Variants in MAP2K4 observed in about 807,000 individuals in gnomAD.
MAP2K4 encodes the protein mitogen-activated protein kinase kinase 4, also known as dual specificity mitogen-activated protein kinase kinase 4.
In MAP2K4, 4 loss-of-function variants were observed where a neutral mutation model predicts 48.5. That is an observed-to-expected ratio of 0.08 (90% CI 0.04 to 0.19). The LOEUF (loss-of-function observed/expected upper bound fraction) is 0.19, where lower values mean the gene tolerates loss of function less well. MAP2K4 is among the 10% of genes least tolerant of loss of function. The probability of loss-of-function intolerance (pLI) is 1.00; values close to 1 mark genes in which losing one functional copy is unlikely to be tolerated. For missense variants in MAP2K4, 258 were observed against 493.3 expected (o/e 0.52, Z 4.52); for synonymous variants, 166 against 173.1 (o/e 0.96, Z 0.32).
chr17:12,125,216 C>G, intron 7 of MAP2K4, 78 bp from the exon 8 acceptor site: 1 of 1,022,160 alleles, frequency 9.8e-7, no homozygotes, highest in Non-Finnish European at 1.6e-6. Flanking sequence ...TTTTGGCTGT[C>G]TACCCAGCTG....
intron 3 of MAP2K4, among the ~76,000 whole-genome samples, chr17:12,084,556 C>A (rs1034213551): frequency 3.3e-5 from 5 of 152,154 alleles, no homozygotes; most frequent in Non-Finnish European, 7.3e-5. Context: ...TGATCAGTAT[C>A]CTTTACAAAT....
intron 3 of MAP2K4, among the ~76,000 whole-genome samples, chr17:12,083,975 T>G (rs1219978447): frequency 6.6e-6 from 1 of 152,218 alleles, no homozygotes; most frequent in African/African-American, 2.4e-5. Flanking sequence ...TAATACACAC[T>G]TTGAGAATAA....
At chr17:12,105,786 A>G (rs529932503) in intron 4 of MAP2K4, among the ~76,000 whole-genome samples, 2 of 152,094 alleles carry the variant, frequency 1.3e-5, no homozygotes, top group South Asian at 4.2e-4. Context: ...AGACCTCTCT[A>G]TCTCATTGCT....
intron 1 of MAP2K4, among the ~76,000 whole-genome samples, chr17:12,052,954 T>G (rs28918110): frequency 6.6e-6 from 1 of 152,194 alleles, no homozygotes; most frequent in African/African-American, 2.4e-5. Flanking sequence ...GTCTCCAAAA[T>G]TTTGACTCAT....
intron 9 of MAP2K4, among the ~76,000 whole-genome samples, chr17:12,133,142 C>T (rs771318073): frequency 5.9e-5 from 9 of 152,110 alleles, no homozygotes; most frequent in African/African-American, 1.7e-4. Context: ...AGTGTAGTGG[C>T]GCGATCTCAG....
At chr17:12,127,291 A>T (rs1274102923) in intron 8 of MAP2K4, among the ~76,000 whole-genome samples, 1 of 152,242 alleles carries the variant, frequency 6.6e-6, no homozygotes, top group East Asian at 1.9e-4. Context: ...AGGAGAGAAC[A>T]TGGATCTCGG....
chr17:12,081,210 G>A lies in MAP2K4; in HGVS notation c.219-146G>A, dbSNP rs1597447108. 4 of 563,442 alleles carry A rather than the reference G, an allele frequency of 7.1e-6. No homozygotes were observed. The East Asian group carries it at 1.2e-4, about 17-fold the overall frequency. 34.9% of individuals were successfully genotyped at this position (563,442 alleles called of 1,614,324 possible). A position where few individuals can be genotyped will look rare whatever the true frequency, so the allele number is the denominator to read the frequency against. ...AATCCAGTGTGTAAAAAACCAGGATGACACAAATGAAAAACTTCAAAAACC... is the reference window on the plus strand; with the variant it reads ...AATCCAGTGTGTAAAAAACCAGGATAACACAAATGAAAAACTTCAAAAACC... On this transcript the variant is annotated intron_variant, in intron 2 of 10. Transcript: ENST00000353533. This position sits in a 1 kb window ranked among gnomAD's most constrained non-coding sequence, Gnocchi z 4.2.
rs775109028 is a variant in MAP2K4, at chr17:12,069,651, T to G, written c.219-11705T>G. 5.3e-4 allele frequency: 526 copies of G among 983,936 alleles called. 2 individuals are homozygous for G. The highest frequency in any genetic ancestry group is 7.5e-4 in the African/African-American group (43 of 57,016). The allele number at this position is 983,936 out of a possible 1,614,324, so 61.0% of individuals were successfully genotyped here. ...TCATTTTTCAGTTTTTCCTTTTGCC[T>G]CATCTTAGATCACAGCAAAGATACT... is the stretch of plus-strand genomic sequence containing the variant. On this transcript the variant is annotated intron_variant, in intron 2 of 10. Coordinates refer to ENST00000353533, the MANE Select transcript of MAP2K4 (RefSeq NM_003010.4).
intron 2 of MAP2K4, among the ~76,000 whole-genome samples, chr17:12,059,383 A>G (rs1479534159): frequency 6.6e-6 from 1 of 152,212 alleles, no homozygotes; most frequent in Non-Finnish European, 1.5e-5. Context: ...ACAGAAGTAG[A>G]TATTCTGTTA....
chr17:12,041,207 G>A (rs1042959630), intron 1 of MAP2K4, among the ~76,000 whole-genome samples: 1 of 152,202 alleles, frequency 6.6e-6, no homozygotes, highest in East Asian at 1.9e-4. Flanking sequence ...TGTCATTCAC[G>A]TGTTAATATT....
At chr17:12,041,847 C>T (rs1393388428) in intron 1 of MAP2K4, among the ~76,000 whole-genome samples, 2 of 152,132 alleles carry the variant, frequency 1.3e-5, no homozygotes, top group Non-Finnish European at 2.9e-5. Context: ...AGTTGTCGGA[C>T]TCATTAGAAT....
chr17:12,038,699 A>G (rs1371723006), intron 1 of MAP2K4, among the ~76,000 whole-genome samples: 1 of 152,250 alleles, frequency 6.6e-6, no homozygotes. Context: ...ACTTTATATT[A>G]ACTCCTTTAA....
intron 7 of MAP2K4, among the ~76,000 whole-genome samples, chr17:12,119,377 CA>C (rs1972603749): frequency 6.6e-6 from 1 of 152,116 alleles, no homozygotes; most frequent in African/African-American, 2.4e-5. Flanking sequence ...ATGCATCCAA[CA>C]AGCATATGAA....
chr17:12,114,934 C>T (rs1308113941), intron 7 of MAP2K4, among the ~76,000 whole-genome samples: 2 of 152,164 alleles, frequency 1.3e-5, no homozygotes, highest in Non-Finnish European at 2.9e-5. Flanking sequence ...AAACTCTTGG[C>T]CTCTAATCTT....
intron 9 of MAP2K4, among the ~76,000 whole-genome samples, chr17:12,136,531 C>A (rs1479640188): frequency 2.0e-5 from 3 of 152,138 alleles, no homozygotes; most frequent in Non-Finnish European, 4.4e-5. Context: ...TAGCTGCTGG[C>A]ATTTGAAATG....
intron 2 of MAP2K4, among the ~76,000 whole-genome samples, chr17:12,073,006 G>T (rs918206081): frequency 6.6e-6 from 1 of 152,132 alleles, no homozygotes; most frequent in Non-Finnish European, 1.5e-5. Context: ...GCAATCTGAG[G>T]TTTGTAGTAC....
intron 1 of MAP2K4, among the ~76,000 whole-genome samples, chr17:12,049,276 A>AAT (rs1970060338): frequency 6.6e-6 from 1 of 152,216 alleles, no homozygotes; most frequent in Non-Finnish European, 1.5e-5. Flanking sequence ...TTGTAAGTCA[A>AAT]ATACCAATAT....
rs370007440 is a variant in MAP2K4, at chr17:12,129,303, A to C, written c.1040+16A>C. 1 of 1,614,202 alleles carries C rather than the reference A, an allele frequency of 6.2e-7. No homozygotes were observed. Among genetic ancestry groups the C allele is most frequent in the South Asian group, 1.1e-5 (1 of 91,082 alleles). ...TCAACTTGTGGTGAGTACCTGATTT[A>C]TGAATGGTCGAACACGCATGGCGAG... On this transcript the variant is annotated intron_variant, in intron 9 of 10. Coordinates refer to ENST00000353533, the MANE Select transcript of MAP2K4 (RefSeq NM_003010.4).
intron 10 of MAP2K4, 122 bp downstream of exon 10, chr17:12,140,006 G>A (rs1973326196): frequency 3.4e-6 from 2 of 591,702 alleles, no homozygotes; most frequent in Non-Finnish European, 5.6e-6. Flanking sequence ...TTTATTGAGT[G>A]TTTTTTGTTA....
Sources: gnomAD v4.1 joint callset for allele counts (sites outside exome capture counted in the v4.1 genomes callset) on GRCh38, gnomAD v4.1.1 for gene constraint, Gnocchi (gnomAD v3.1) non-coding constraint, MANE v1.5 for transcripts, NCBI Gene and HGNC (gene_info 2026-07-23, HGNC 2026-07-21) for gene names.